The following ADGRG6 variants were observed in gnomAD, a reference collection of about 807,000 sequenced individuals.
ADGRG6 encodes G-protein coupled receptor 126.
ADGRG6 carries 84 observed loss-of-function variants against 142.4 expected under a neutral mutation model. The observed-to-expected ratio is 0.59, with a 90% CI of 0.49 to 0.71. The LOEUF is 0.71. Among genes scored for constraint, ADGRG6 ranks in the 30% least tolerant of loss-of-function variants. The pLI is 0.00. For synonymous variants in ADGRG6, 521 were observed against 520.5 expected (o/e 1.00, Z -0.01); for missense variants, 1,367 against 1,466.6 (o/e 0.93, Z 1.11).
chr6:142,400,134 C>A (rs531668281), intron 10 of ADGRG6, among the ~76,000 whole-genome samples: 4 of 152,254 alleles, frequency 2.6e-5, no homozygotes, highest in South Asian at 4.1e-4. Context: ...TTGAATTTTT[C>A]AGGATTGTTT....
At chr6:142,382,714 A>G (rs908650488) in intron 5 of ADGRG6, among the ~76,000 whole-genome samples, 4 of 152,208 alleles carry the variant, frequency 2.6e-5, no homozygotes, top group Non-Finnish European at 5.9e-5. Flanking sequence ...TCTATTAAAT[A>G]CTTCTATAGT....
chr6:142,418,954 A>AAT (rs1320008445), intron 21 of ADGRG6, among the ~76,000 whole-genome samples: 1 of 152,082 alleles, frequency 6.6e-6, no homozygotes, highest in Non-Finnish European at 1.5e-5. Flanking sequence ...TCTACTATCC[A>AAT]ATATATATAT....
At chr6:142,442,720 A>G (rs919034509) in intron 24 of ADGRG6, among the ~76,000 whole-genome samples, 2 of 152,072 alleles carry the variant, frequency 1.3e-5, no homozygotes, top group African/African-American at 4.8e-5. Context: ...TTGTTTATCC[A>G]GCTAAAAACC....
In ADGRG6 at chr6:142,413,898, A is replaced by ATC. The variant is rs879291544; in HGVS notation, c.2542-1070_2542-1069dup. On this transcript the variant is annotated intron_variant, in intron 18 of 24. Transcript: ENST00000367609. ...ACCTGAAACTAACCCACATTTCTTT[A>ATC]TCACACACACACACACACACACACA... Among the ~76,000 whole-genome samples the ATC allele has an allele frequency of 6.0e-3, 544 of 89,932 alleles. 2 individuals are homozygous for ATC. Among genetic ancestry groups the ATC allele is most frequent in the African/African-American group, 0.027 (504 of 18,918 alleles). The allele number at this position is 89,932 out of a possible 152,430, so 59.0% of individuals were successfully genotyped here.
At chr6:142,442,148 G>T (rs1777782941) in intron 24 of ADGRG6, among the ~76,000 whole-genome samples, 1 of 152,164 alleles carries the variant, frequency 6.6e-6, no homozygotes, top group Non-Finnish European at 1.5e-5. Context: ...TACTCAAAAT[G>T]TAAAAAGCAT....
chr6:142,332,844 C>G (rs1376555330), intron 2 of ADGRG6, among the ~76,000 whole-genome samples: 1 of 152,120 alleles, frequency 6.6e-6, no homozygotes, highest in Admixed American at 6.6e-5. Context: ...AAGAACAAGC[C>G]AGGAGGAGTT....
At position 142,401,473 on chromosome 6, in the gene ADGRG6, TC is replaced by T. The variant is rs547591462; in HGVS notation, c.1680-519del. ...GTTAGGATACTGCTGGTATTTTGTT[TC>T]CAAGATGCATGCTACTGATTTTTTT... On this transcript the variant is annotated intron_variant, in intron 11 of 24. Coordinates refer to ENST00000367609, the MANE Select transcript of ADGRG6 (RefSeq NM_198569.3). Among the ~76,000 whole-genome samples the T allele has an allele frequency of 3.6e-3, 551 of 152,338 alleles. 3 individuals are homozygous for T. The highest frequency in any genetic ancestry group is 0.013 in the African/African-American group (530 of 41,576).
chr6:142,318,375 T>TTATATATTA (rs1562308054), intron 2 of ADGRG6, among the ~76,000 whole-genome samples: 2 of 104,726 alleles, frequency 1.9e-5, no homozygotes, highest in African/African-American at 8.1e-5. Context: ...TTATATATAT[T>TTATATATTA]TATATATTTA....
chr6:142,323,478 T>TA (rs1162117273), intron 2 of ADGRG6, among the ~76,000 whole-genome samples: 1 of 152,112 alleles, frequency 6.6e-6, no homozygotes, highest in Non-Finnish European at 1.5e-5. Flanking sequence ...TGTTAACAGT[T>TA]ACACAGCCAA....
intron 4 of ADGRG6, among the ~76,000 whole-genome samples, chr6:142,381,439 C>T (rs922118766): frequency 2.0e-5 from 3 of 152,214 alleles, no homozygotes; most frequent in Non-Finnish European, 4.4e-5. Flanking sequence ...AAACTTGTTT[C>T]CTGCTGAGGA....
chr6:142,303,334 GTCCTGTTTTTCCACACTT>G (rs1238416073), intron 1 of ADGRG6, among the ~76,000 whole-genome samples: 2 of 152,014 alleles, frequency 1.3e-5, no homozygotes, highest in Non-Finnish European at 2.9e-5. Flanking sequence ...TGCCCCCTAG[GTCCTGTTTTTCCACACTT>G]TCCTGCACTT....
chr6:142,302,994 G>A (rs1268079295), intron 1 of ADGRG6, among the ~76,000 whole-genome samples: 1 of 152,180 alleles, frequency 6.6e-6, no homozygotes, highest in African/African-American at 2.4e-5. Context: ...TGCCTCCATA[G>A]AATTGTCATC....
At chr6:142,336,227 A>G (rs1779309286) in intron 2 of ADGRG6, among the ~76,000 whole-genome samples, 2 of 152,202 alleles carry the variant, frequency 1.3e-5, no homozygotes, top group South Asian at 4.1e-4. Context: ...CCAGTGGAAG[A>G]CAGTGATTGT....
At chr6:142,330,547 T>G (rs925968321) in intron 2 of ADGRG6, among the ~76,000 whole-genome samples, 4 of 152,136 alleles carry the variant, frequency 2.6e-5, no homozygotes, top group Non-Finnish European at 4.4e-5. Flanking sequence ...CCAGATCCAT[T>G]TTTAGATTCA....
intron 14 of ADGRG6, 187 bp downstream of exon 14, chr6:142,404,160 T>A (rs1259089468): frequency 8.7e-6 from 5 of 572,138 alleles, no homozygotes; most frequent in Non-Finnish European, 1.5e-5. Context: ...TATGCTTTCA[T>A]AATCTGGGTG....
Position 142,367,569 on chromosome 6 carries a change from T to A in ADGRG6, c.104T>A (p.Val35Glu). 1 of 1,612,368 alleles carries A rather than the reference T, an allele frequency of 6.2e-7. No individual in the cohort carries two copies. The highest frequency in any genetic ancestry group is 8.5e-7 in the Non-Finnish European group (1 of 1,178,838). ...ALYIMCVPHS[V>E]WGCANCRVVL... ...TGTCTCTCTTTTGTCTGGCCAGCAGTGTGGGGATGTGCCAACTGCCGAGTG... is the reference window on the plus strand; with the variant it reads ...TGTCTCTCTTTTGTCTGGCCAGCAGAGTGGGGATGTGCCAACTGCCGAGTG... Residue 35 changes from valine to glutamate, a missense_variant and splice_region_variant, in exon 3 of 25, where the codon GTG becomes GAG. This residue lies in a region of ADGRG6 where 737 missense variants were observed against 746.5 expected (regional missense o/e 0.99). Transcript: ENST00000367609.
Position 142,390,275 on chromosome 6 carries a change from A to C in ADGRG6, c.1240A>C (p.Ile414Leu). The C allele has an allele frequency of 6.3e-7, 1 of 1,585,774 alleles. No homozygotes were observed. Among genetic ancestry groups the C allele is most frequent in the South Asian group, 1.1e-5 (1 of 88,924 alleles). The change falls in exon 7 of 25, where the codon ATA becomes CTA. Residue 414 changes from isoleucine (I) to leucine (L), a missense_variant. By Grantham distance (5) the Ile-to-Leu change is conservative. Coordinates refer to ENST00000367609, the MANE Select transcript of ADGRG6 (RefSeq NM_198569.3). ...KQRNDGIIYR[I>L]SVVIQNILRH... is the part of the protein sequence containing the mutation. ...ATGGGCAGATGGAATTATCTATAGA[A>C]TATCCGTAGTGATTCAGAACATCCT... is the stretch of plus-strand genomic sequence containing the variant.
At chr6:142,363,733 T>G (rs1346272853) in intron 2 of ADGRG6, among the ~76,000 whole-genome samples, 1 of 152,114 alleles carries the variant, frequency 6.6e-6, no homozygotes, top group African/African-American at 2.4e-5. Context: ...GCCCTGACTC[T>G]TAAGAGAGAT....
At chr6:142,383,436 G>A (rs770609825) in intron 5 of ADGRG6, among the ~76,000 whole-genome samples, 9 of 152,074 alleles carry the variant, frequency 5.9e-5, no homozygotes, top group Non-Finnish European at 1.0e-4. Flanking sequence ...GTTCTAGAAG[G>A]GTTTAGTGTT....
Sources: gnomAD v4.1 joint callset for allele counts (sites outside exome capture counted in the v4.1 genomes callset) on GRCh38, gnomAD v4.1.1 for gene constraint, gnomAD v4.1.1 regional missense constraint, MANE v1.5 for transcripts, NCBI Gene and HGNC (gene_info 2026-07-23, HGNC 2026-07-21) for gene names.